The following RASGEF1C variants were observed in gnomAD, a reference collection of about 807,000 sequenced individuals.
RASGEF1C encodes the protein RasGEF domain family member 1C.
Under a neutral mutation model 58.1 loss-of-function variants are expected in RASGEF1C, and 27 were observed. The observed-to-expected ratio is 0.46, with a 90% confidence interval of 0.34 to 0.64. The LOEUF (loss-of-function observed/expected upper bound fraction) is 0.64. RASGEF1C is among the 30% of genes least tolerant of loss of function. The probability of loss-of-function intolerance (pLI) is 0.01; values close to 1 mark genes in which losing one functional copy is unlikely to be tolerated. For synonymous variants in RASGEF1C, 243 were observed against 246.3 expected, an observed-to-expected ratio of 0.99 and a Z score of 0.13; for missense variants, 502 against 605.1, an observed-to-expected ratio of 0.83 and a Z score of 1.79.
At chr5:180,130,396 G>A (rs1766346116) in intron 4 of RASGEF1C, among the ~76,000 whole-genome samples, 1 of 152,210 alleles carries the variant, frequency 6.6e-6, no homozygotes, top group Admixed American at 6.5e-5. Flanking sequence ...AAGATGGGGA[G>A]TGGGGCGCAG....
At chr5:180,152,697 A>C (rs1766779655) in intron 1 of RASGEF1C, among the ~76,000 whole-genome samples, 1 of 151,506 alleles carries the variant, frequency 6.6e-6, no homozygotes, top group African/African-American at 2.4e-5. Flanking sequence ...CATGTACCCT[A>C]GAACTTAAAG....
At chr5:180,179,357 G>A (rs948452840) in intron 1 of RASGEF1C, among the ~76,000 whole-genome samples, 1 of 152,158 alleles carries the variant, frequency 6.6e-6, no homozygotes, top group African/African-American at 2.4e-5. Context: ...AGGGACAGGA[G>A]GGGGCTTGGA....
At chr5:180,173,858 A>G (rs1203626947) in intron 1 of RASGEF1C, among the ~76,000 whole-genome samples, 12 of 150,762 alleles carry the variant, frequency 8.0e-5, no homozygotes, top group East Asian at 5.9e-4. Context: ...GTTTGCAGTG[A>G]GCTGAGATTG....
chr5:180,199,557 A>G (rs1309774427), intron 1 of RASGEF1C, among the ~76,000 whole-genome samples: 1 of 152,224 alleles, frequency 6.6e-6, no homozygotes, highest in Non-Finnish European at 1.5e-5. Flanking sequence ...GTAAAGCAGA[A>G]ATGCACCAAT....
intron 12 of RASGEF1C, among the ~76,000 whole-genome samples, chr5:180,105,597 G>C (rs1765863084): frequency 6.6e-6 from 1 of 151,146 alleles, no homozygotes; most frequent in African/African-American, 2.4e-5. Flanking sequence ...GCTGGGCGCG[G>C]TGGCTCACAC....
chr5:180,134,646 CTTCT>C (rs1766434403), intron 4 of RASGEF1C, among the ~76,000 whole-genome samples: 1 of 151,044 alleles, frequency 6.6e-6, no homozygotes, highest in African/African-American at 2.4e-5. Context: ...CCCTTCCTTC[CTTCT>C]AACATCTGCC....
intron 1 of RASGEF1C, among the ~76,000 whole-genome samples, chr5:180,145,039 T>A (rs1766642042): frequency 6.6e-6 from 1 of 152,264 alleles, no homozygotes. Flanking sequence ...TTTGTTCATC[T>A]ATTCATCTGT....
chr5:180,119,535 C>G, intron 7 of RASGEF1C, 87 bp from the exon 8 acceptor site: 1 of 974,040 alleles, frequency 1.0e-6, no homozygotes. Context: ...CCCGCTTCAC[C>G]TTCTCTAAAC....
At position 180,111,479 on chromosome 5, in the gene RASGEF1C, G is replaced by A. The variant is rs761597124; in HGVS notation, c.1281C>T (p.Thr427=). ...QDASITHYLY[T]APIFSEDGLY... ...TACCATCCTCACTGAAGATGGGGGC[G>A]GTGTACAGGTAGTGGGTGATGCTGG... Residue 427 remains threonine, a synonymous_variant, in exon 12 of 14, where the codon ACC becomes ACT. Transcript: ENST00000361132. 1.1e-5 allele frequency: 17 copies of A among 1,614,090 alleles called. No homozygotes were observed. Among genetic ancestry groups the A allele is most frequent in the South Asian group, 4.4e-5 (4 of 91,092 alleles).
At chr5:180,205,489 A>C (rs1196515971) in intron 1 of RASGEF1C, among the ~76,000 whole-genome samples, 1 of 152,130 alleles carries the variant, frequency 6.6e-6, no homozygotes. Flanking sequence ...CTTCATAAAG[A>C]TGCCAATTAT....
At chr5:180,175,270 AC>A (rs1272985665) in intron 1 of RASGEF1C, among the ~76,000 whole-genome samples, 1 of 152,200 alleles carries the variant, frequency 6.6e-6, no homozygotes, top group Non-Finnish European at 1.5e-5. Context: ...CAGGGCAGGC[AC>A]TGGACACCTG....
intron 12 of RASGEF1C, among the ~76,000 whole-genome samples, chr5:180,110,603 G>A (rs1484936348): frequency 1.3e-5 from 2 of 152,068 alleles, no homozygotes; most frequent in South Asian, 2.1e-4. Context: ...AAAGCAGAGG[G>A]CCCCGGGACC....
intron 1 of RASGEF1C, among the ~76,000 whole-genome samples, chr5:180,205,806 C>A (rs1756477136): frequency 6.6e-6 from 1 of 151,960 alleles, no homozygotes; most frequent in Non-Finnish European, 1.5e-5. Flanking sequence ...CAGCTCAGCT[C>A]ACTGCAAAAT....
chr5:180,204,796 A>G (rs1756462020), intron 1 of RASGEF1C, among the ~76,000 whole-genome samples: 1 of 152,224 alleles, frequency 6.6e-6, no homozygotes, highest in Non-Finnish European at 1.5e-5. Context: ...GGAGGTATTC[A>G]GCCAATTTAA....
intron 1 of RASGEF1C, among the ~76,000 whole-genome samples, chr5:180,170,562 GC>G (rs1311012963): frequency 1.3e-5 from 2 of 151,940 alleles, no homozygotes; most frequent in Admixed American, 6.5e-5. Context: ...TCCCCGCGGA[GC>G]CCCCGCCCTG....
intron 1 of RASGEF1C, among the ~76,000 whole-genome samples, chr5:180,141,756 CTGGAG>C (rs1766583850): frequency 7.0e-6 from 1 of 142,976 alleles, no homozygotes; most frequent in African/African-American, 2.6e-5. Flanking sequence ...TCTCACCAGG[CTGGAG>C]TGTAGTGGCA....
intron 1 of RASGEF1C, among the ~76,000 whole-genome samples, chr5:180,182,738 T>C (rs1311812227): frequency 2.6e-5 from 4 of 152,208 alleles, no homozygotes; most frequent in Non-Finnish European, 5.9e-5. Flanking sequence ...AGAGTGCTGA[T>C]TGGTGCTTTT....
At position 180,197,797 on chromosome 5, in the gene RASGEF1C, A is replaced by G. The variant is rs1476518313; in HGVS notation, c.-7+11231T>C. Among the ~76,000 whole-genome samples, 1 of 152,162 alleles carries G rather than the reference A, an allele frequency of 6.6e-6. No individual in the cohort carries two copies. The highest frequency in any genetic ancestry group is 1.5e-5 in the Non-Finnish European group (1 of 68,030). On this transcript the variant is annotated intron_variant, in intron 1 of 13. Coordinates refer to ENST00000361132, the MANE Select transcript of RASGEF1C (RefSeq NM_175062.4). The surrounding 1 kb of genome is among the most constrained non-coding windows in gnomAD (Gnocchi z 4.7). ...TTATTTAGCCAGATTGGCACTTTTG[A>G]ACACTGTCTGGATTTTAAAACAAAC...
chr5:180,126,581 C>G (rs922687134), intron 6 of RASGEF1C, among the ~76,000 whole-genome samples: 1 of 152,136 alleles, frequency 6.6e-6, no homozygotes, highest in Admixed American at 6.5e-5. Context: ...CCCTGCTCTT[C>G]CCTCTACCGT....
Sources: gnomAD v4.1 joint callset for allele counts (sites outside exome capture counted in the v4.1 genomes callset) on GRCh38, gnomAD v4.1.1 for gene constraint, Gnocchi (gnomAD v3.1) non-coding constraint, MANE v1.5 for transcripts, NCBI Gene and HGNC (gene_info 2026-07-23, HGNC 2026-07-21) for gene names.